The following ARID4B variants were observed in gnomAD, a reference collection of about 807,000 sequenced individuals.
The protein encoded by ARID4B is AT-rich interaction domain 4B.
ARID4B carries 26 observed loss-of-function variants against 147.5 expected under a neutral mutation model. The observed-to-expected ratio is 0.18, with a 90% CI of 0.13 to 0.24. ARID4B has a LOEUF of 0.24. Ranked by LOEUF, ARID4B falls within the 10% of genes least tolerant of loss-of-function variation. The pLI, the probability that ARID4B is intolerant of heterozygous loss-of-function variation, is 1.00. For synonymous variants in ARID4B, 512 were observed against 507.9 expected, an observed-to-expected ratio of 1.01 and a Z score of -0.11; for missense variants, 1,179 against 1,511.5, an observed-to-expected ratio of 0.78 and a Z score of 3.65.
At chr1:235,277,648 G>T (rs199986690) in intron 2 of ARID4B, among the ~76,000 whole-genome samples, 2 of 138,764 alleles carry the variant, frequency 1.4e-5, no homozygotes, top group Admixed American at 7.1e-5. Context: ...GTGTTTCATT[G>T]GTTTTGTTTT....
At chr1:235,227,003 G>C (rs1667877416) in intron 11 of ARID4B, among the ~76,000 whole-genome samples, 1 of 152,144 alleles carries the variant, frequency 6.6e-6, no homozygotes, top group South Asian at 2.1e-4. Flanking sequence ...AAATGAACTG[G>C]TGCTTTCCTG....
At position 235,260,660 on chromosome 1, in the gene ARID4B, T is replaced by C. The variant is rs553611669; in HGVS notation, c.99A>G (p.Lys33=). The part of the protein sequence containing the change: ...AFCEAKIKTA[K]RLVKVKVTFR... ...ACTGTACCTTGACTTTGACAAGTCT[T>C]TTTGCTGTCTTGATCTTGGCTTCAC... The change falls in exon 3 of 24, where the codon AAA becomes AAG. Residue 33 remains lysine (K), a synonymous_variant. Coordinates refer to ENST00000264183, the MANE Select transcript of ARID4B (RefSeq NM_016374.6). 17 of 1,608,130 alleles carry C rather than the reference T, an allele frequency of 1.1e-5. No individual in the cohort carries two copies. The African/African-American group carries it at 2.1e-4, about 20-fold the overall frequency.
At position 235,192,146 on chromosome 1, in the gene ARID4B, A is replaced by G. The variant is rs191826844; in HGVS notation, c.2125+1867T>C. Reference sequence around the variant, plus strand: ...AAATTACTTAGGAATATAAATATAGATAATTCAATTCTGAAGAAAAGTAAA... The same window carrying G: ...AAATTACTTAGGAATATAAATATAGGTAATTCAATTCTGAAGAAAAGTAAA... On this transcript the variant is annotated intron_variant, in intron 19 of 23. Coordinates refer to ENST00000264183, the MANE Select transcript of ARID4B (RefSeq NM_016374.6). Among the ~76,000 whole-genome samples, 921 of 152,320 alleles carry G rather than the reference A, an allele frequency of 6.0e-3. 15 individuals are homozygous for G. Among genetic ancestry groups the G allele is most frequent in the African/African-American group, 0.021 (876 of 41,566 alleles).
chr1:235,289,880 T>C (rs930546058), intron 2 of ARID4B, among the ~76,000 whole-genome samples: 4 of 151,954 alleles, frequency 2.6e-5, no homozygotes, highest in Non-Finnish European at 4.4e-5. Flanking sequence ...TAAAAACAAT[T>C]CAAAACACAA....
At chr1:235,244,794 TG>T (rs1422620742) in intron 7 of ARID4B, among the ~76,000 whole-genome samples, 2 of 152,136 alleles carry the variant, frequency 1.3e-5, no homozygotes, top group African/African-American at 2.4e-5. Flanking sequence ...AATGGAGTAA[TG>T]GAAGAGGAAA....
At chr1:235,215,143 C>A (rs962255462) in intron 16 of ARID4B, among the ~76,000 whole-genome samples, 3 of 152,084 alleles carry the variant, frequency 2.0e-5, no homozygotes, top group Non-Finnish European at 2.9e-5. Flanking sequence ...CCACACCTGG[C>A]CTTACACCCA....
At position 235,255,838 on chromosome 1, in the gene ARID4B, A is replaced by G. The variant is rs555708527; in HGVS notation, c.184-88T>C. 63 of 816,570 alleles carry G rather than the reference A, an allele frequency of 7.7e-5. No individual in the cohort carries two copies. In the African/African-American group the frequency reaches 8.1e-4, roughly 10 times the overall value. 50.6% of individuals were successfully genotyped at this position (816,570 alleles called of 1,614,324 possible). A position where few individuals can be genotyped will look rare whatever the true frequency, so the allele number is the denominator to read the frequency against. ...GGTTTGTTTTCTTTTAACTGAGTGC[A>G]TGATGGTGAAGAATAAAATGACTAT... is the stretch of plus-strand genomic sequence containing the variant. On this transcript the variant is annotated intron_variant, in intron 4 of 23. Coordinates refer to ENST00000264183, the MANE Select transcript of ARID4B (RefSeq NM_016374.6).
intron 8 of ARID4B, among the ~76,000 whole-genome samples, chr1:235,237,523 C>T (rs905524573): frequency 1.3e-5 from 2 of 151,920 alleles, no homozygotes; most frequent in African/African-American, 2.4e-5. Flanking sequence ...TAATTTGTGC[C>T]GAACACTGAA....
At chr1:235,168,894 C>T (rs529329112) in intron 23 of ARID4B, among the ~76,000 whole-genome samples, 5 of 152,084 alleles carry the variant, frequency 3.3e-5, no homozygotes, top group Non-Finnish European at 5.9e-5. Flanking sequence ...AAGGCTCCTG[C>T]GTGGGTCAAA....
rs777764212 is a variant in ARID4B at position 235,255,744 on chromosome 1, C to T, written c.190G>A (p.Ala64Thr). ...DHIKGPLKVG[A>T]IVEVKNLDGA... ...TCAAGATTCTTCACTTCCACAATAG[C>T]TCCTACCTAAAGTATTTTTAAACAT... is the stretch of plus-strand genomic sequence containing the variant. Residue 64 changes from alanine (A) to threonine (T), a missense_variant, in exon 5 of 24, where the codon GCT becomes ACT. By Grantham distance (58) the Ala-to-Thr change is moderately conservative. Coordinates refer to ENST00000264183, the MANE Select transcript of ARID4B (RefSeq NM_016374.6). 4 of 1,603,422 alleles carry T rather than the reference C, an allele frequency of 2.5e-6. No homozygotes were observed. The African/African-American group carries it at 5.4e-5, about 22-fold the overall frequency.
chr1:235,242,716 A>T (rs980754624), intron 7 of ARID4B, among the ~76,000 whole-genome samples: 1 of 152,194 alleles, frequency 6.6e-6, no homozygotes, highest in Non-Finnish European at 1.5e-5. Flanking sequence ...AAGTGTTAAG[A>T]CTTCAGATTT....
intron 2 of ARID4B, among the ~76,000 whole-genome samples, chr1:235,271,793 A>T (rs1192906390): frequency 1.3e-5 from 2 of 151,490 alleles, no homozygotes; most frequent in Non-Finnish European, 2.9e-5. Context: ...TAATAAAAAT[A>T]AAAAAAATTA....
At chr1:235,222,335 ATACAGGCT>A (rs377044222) in intron 13 of ARID4B, among the ~76,000 whole-genome samples, 2 of 152,250 alleles carry the variant, frequency 1.3e-5, no homozygotes, top group African/African-American at 4.8e-5. Flanking sequence ...CGCATAAAAT[ATACAGGCT>A]AATAAATGCA....
intron 17 of ARID4B, 66 bp from the exon 18 acceptor site, chr1:235,196,181 T>A: frequency 2.6e-6 from 2 of 769,740 alleles, no homozygotes; most frequent in Non-Finnish European, 4.0e-6. Context: ...TATGCCATAT[T>A]AAAGAGAAAC....
At chr1:235,252,086 A>T (rs1669681006) in intron 6 of ARID4B, among the ~76,000 whole-genome samples, 1 of 152,220 alleles carries the variant, frequency 6.6e-6, no homozygotes, top group Non-Finnish European at 1.5e-5. Context: ...TCATCTATTC[A>T]TCCAACTAAC....
intron 22 of ARID4B, among the ~76,000 whole-genome samples, chr1:235,174,896 G>A: frequency 6.6e-6 from 1 of 151,828 alleles, no homozygotes. Context: ...ATGAGGTCAG[G>A]AGATGGAGAC....
intron 22 of ARID4B, among the ~76,000 whole-genome samples, chr1:235,173,340 T>C (rs1441035950): frequency 6.6e-6 from 1 of 152,042 alleles, no homozygotes; most frequent in Non-Finnish European, 1.5e-5. Context: ...TGAGACTCTG[T>C]CTAAAAATAA....
intron 23 of ARID4B, among the ~76,000 whole-genome samples, chr1:235,169,169 C>T (rs1016782776): frequency 1.3e-5 from 2 of 152,098 alleles, no homozygotes; most frequent in African/African-American, 4.8e-5. Flanking sequence ...ACTAGGTTTA[C>T]AAAGCAAATA....
At chr1:235,259,761 T>C (rs1365871096) in intron 3 of ARID4B, among the ~76,000 whole-genome samples, 1 of 152,108 alleles carries the variant, frequency 6.6e-6, no homozygotes, top group Non-Finnish European at 1.5e-5. Context: ...AACACATCCA[T>C]GCATAAGGAA....
Sources: allele counts gnomAD v4.1 joint callset (sites outside exome capture counted in the v4.1 genomes callset), GRCh38; gene constraint gnomAD v4.1.1; transcripts MANE v1.5; gene names NCBI Gene and HGNC (gene_info 2026-07-23, HGNC 2026-07-21).